Variants in GABRG3 observed in about 807,000 individuals in gnomAD.
GABRG3 encodes gamma-aminobutyric acid type A receptor subunit gamma3, also known as gamma-aminobutyric acid receptor subunit gamma-3.
A neutral mutation model predicts 48.8 loss-of-function variants in GABRG3; 25 were observed. That is an observed-to-expected ratio of 0.51 (90% CI 0.37 to 0.72). GABRG3 has a LOEUF of 0.72. Ranked by LOEUF, GABRG3 falls within the 30% of genes least tolerant of loss-of-function variation. The pLI is 0.00. For missense variants in GABRG3, 394 were observed against 577.9 expected, an observed-to-expected ratio of 0.68 and a Z score of 3.26; for synonymous variants, 227 against 217.6, an observed-to-expected ratio of 1.04 and a Z score of -0.38.
Position 27,307,063 on chromosome 15 carries a change from G to GTATAAAATAAACATGTTTATATATAAACA in GABRG3, c.271-19741_271-19740insAATAAACATGTTTATATATAAACATATAA, listed in dbSNP as rs1566770045. ...AATAAACATGTTTATATATAAACAT[G>GTATAAAATAAACATGTTTATATATAAACA]TATAATATAAACATGTTTATATATA... is the stretch of plus-strand genomic sequence containing the variant. On this transcript the variant is annotated intron_variant, in intron 3 of 9. Transcript: ENST00000615808. 4.7e-5 allele frequency among the ~76,000 whole-genome samples: 4 copies of GTATAAAATAAACATGTTTATATATAAACA among 84,218 alleles called. 2 individuals carry two copies. The highest frequency in any genetic ancestry group is 1.1e-4 in the African/African-American group (2 of 17,914). The allele number at this position is 84,218 out of a possible 152,430, so 55.3% of individuals were successfully genotyped here.
chr15:27,112,936 C>T (rs192214091), intron 3 of GABRG3, among the ~76,000 whole-genome samples: 15 of 152,256 alleles, frequency 9.9e-5, no homozygotes, highest in Admixed American at 8.5e-4. Flanking sequence ...CTTTGTTCTT[C>T]AATTCTAAGA....
At chr15:27,397,617 C>CA (rs1887345598) in intron 5 of GABRG3, among the ~76,000 whole-genome samples, 1 of 152,118 alleles carries the variant, frequency 6.6e-6, no homozygotes, top group Non-Finnish European at 1.5e-5. Context: ...GCCTCCGCCT[C>CA]TGCTCGTCTA....
intron 3 of GABRG3, among the ~76,000 whole-genome samples, chr15:27,182,660 A>G (rs922869398): frequency 6.6e-6 from 1 of 152,138 alleles, no homozygotes; most frequent in Non-Finnish European, 1.5e-5. Flanking sequence ...AGGCTGGTGC[A>G]CAGAAAAGCA....
chr15:27,104,601 G>A (rs1309252674), intron 3 of GABRG3, among the ~76,000 whole-genome samples: 1 of 152,182 alleles, frequency 6.6e-6, no homozygotes, highest in Admixed American at 6.5e-5. Flanking sequence ...GGCTTAGGTC[G>A]CCTGGCCTCA....
At chr15:27,495,609 G>C (rs987278351) in intron 6 of GABRG3, among the ~76,000 whole-genome samples, 2 of 152,182 alleles carry the variant, frequency 1.3e-5, no homozygotes, top group Non-Finnish European at 2.9e-5. Context: ...GTTCTGAGGA[G>C]AACACAATTC....
intron 3 of GABRG3, among the ~76,000 whole-genome samples, chr15:27,113,382 G>C (rs1897588015): frequency 6.6e-6 from 1 of 152,010 alleles, no homozygotes. Context: ...AGACTGACTT[G>C]ATAGCCATGT....
chr15:27,527,845 G>C (rs1891316980), intron 8 of GABRG3, 88 bp from the exon 9 acceptor site: 1 of 1,170,896 alleles, frequency 8.5e-7, no homozygotes, highest in Non-Finnish European at 1.2e-6. Flanking sequence ...GCTTGGTTTA[G>C]TCATACCCTA....
At chr15:27,440,347 G>A (rs1888747307) in intron 5 of GABRG3, among the ~76,000 whole-genome samples, 1 of 152,224 alleles carries the variant, frequency 6.6e-6, no homozygotes. Context: ...TGCGATTCAT[G>A]TGTATATATT....
At chr15:27,273,726 A>T (rs756859339) in intron 3 of GABRG3, among the ~76,000 whole-genome samples, 1 of 152,218 alleles carries the variant, frequency 6.6e-6, no homozygotes, top group African/African-American at 2.4e-5. Flanking sequence ...GGTTCATAGT[A>T]TCAGTATAAT....
At chr15:27,102,219 C>A (rs1406088362) in intron 3 of GABRG3, among the ~76,000 whole-genome samples, 1 of 152,174 alleles carries the variant, frequency 6.6e-6, no homozygotes, top group African/African-American at 2.4e-5. Context: ...CTAGTCAATT[C>A]ATTTCAGTCT....
intron 3 of GABRG3, among the ~76,000 whole-genome samples, chr15:27,255,945 C>G (rs1175970388): frequency 1.3e-5 from 2 of 152,226 alleles, no homozygotes; most frequent in Non-Finnish European, 2.9e-5. Context: ...ATGACCCTCT[C>G]TCTCCACCAA....
chr15:27,152,168 G>A lies in GABRG3; in HGVS notation c.270+125347G>A, dbSNP rs73373416. Among the ~76,000 whole-genome samples the A allele has an allele frequency of 5.8e-3, 880 of 152,108 alleles. 9 individuals carry two copies. The highest frequency in any genetic ancestry group is 0.02 in the African/African-American group (828 of 41,498). On this transcript the variant is annotated intron_variant, in intron 3 of 9. Transcript: ENST00000615808. Reference sequence around the variant, plus strand: ...ACATTTTGAATTACTTTTTGATATAGGTCAAGGTTAGTTAATCTTTTTAAA... The same window carrying A: ...ACATTTTGAATTACTTTTTGATATAAGTCAAGGTTAGTTAATCTTTTTAAA...
chr15:27,394,032 A>T (rs1399315298), intron 5 of GABRG3, among the ~76,000 whole-genome samples: 2 of 152,110 alleles, frequency 1.3e-5, no homozygotes, highest in African/African-American at 4.8e-5. Flanking sequence ...TCTTGTTTTA[A>T]TCTATTCTGC....
intron 3 of GABRG3, among the ~76,000 whole-genome samples, chr15:27,123,397 G>T (rs1328108004): frequency 2.0e-5 from 3 of 152,114 alleles, no homozygotes; most frequent in Non-Finnish European, 4.4e-5. Context: ...TGGGATTAGT[G>T]TGCTTATAAA....
chr15:27,509,112 T>C (rs1890835489), intron 6 of GABRG3, among the ~76,000 whole-genome samples: 2 of 152,244 alleles, frequency 1.3e-5, no homozygotes, highest in African/African-American at 4.8e-5. Context: ...GGTTTACTTT[T>C]TCTTTCAGAA....
chr15:27,093,490 C>T (rs368424594), intron 3 of GABRG3, among the ~76,000 whole-genome samples: 8 of 152,194 alleles, frequency 5.3e-5, no homozygotes, highest in East Asian at 1.9e-4. Flanking sequence ...CTGCTGGAGT[C>T]GGGGACTCTG....
chr15:27,339,851 G>T (rs1487137527), intron 5 of GABRG3, among the ~76,000 whole-genome samples: 1 of 152,174 alleles, frequency 6.6e-6, no homozygotes, highest in African/African-American at 2.4e-5. Flanking sequence ...TCACTTTGAA[G>T]GTCATGGCCT....
chr15:27,300,429 C>T (rs1408759950), intron 3 of GABRG3, among the ~76,000 whole-genome samples: 4 of 151,900 alleles, frequency 2.6e-5, no homozygotes, highest in Non-Finnish European at 4.4e-5. Context: ...TTTGGGAAGC[C>T]GAGTCTGGCA....
chr15:27,247,498 A>G (rs1436077440), intron 3 of GABRG3, among the ~76,000 whole-genome samples: 1 of 152,072 alleles, frequency 6.6e-6, no homozygotes, highest in East Asian at 1.9e-4. Flanking sequence ...AACACCCCTG[A>G]ATGGCATGCT....
Sources: gnomAD v4.1 joint callset for allele counts (sites outside exome capture counted in the v4.1 genomes callset) on GRCh38, gnomAD v4.1.1 for gene constraint, MANE v1.5 for transcripts, NCBI Gene and HGNC (gene_info 2026-07-23, HGNC 2026-07-21) for gene names.